TIAM1: variants seen among roughly 807,000 people sequenced by gnomAD.
TIAM1 encodes TIAM Rac1 associated GEF 1, also known as rho guanine nucleotide exchange factor TIAM1.
In TIAM1, 65 loss-of-function variants were observed where a neutral mutation model predicts 163.5. The observed-to-expected ratio is 0.40, with a 90% CI of 0.33 to 0.49. TIAM1 has a LOEUF of 0.49. TIAM1 is among the 20% of genes least tolerant of loss of function. The pLI is 0.77. For synonymous variants in TIAM1, 833 were observed against 810.1 expected (o/e 1.03, Z -0.48); for missense variants, 1,789 against 2,044.7 (o/e 0.87, Z 2.41).
chr21:31,286,016 T>A (rs2073795903), intron 2 of TIAM1, among the ~76,000 whole-genome samples: 1 of 152,218 alleles, frequency 6.6e-6, no homozygotes, highest in South Asian at 2.1e-4. Flanking sequence ...ATATCATTGA[T>A]CAGCAACTTA....
chr21:31,546,780 G>A lies in TIAM1; in HGVS notation c.-422+12147C>T, dbSNP rs929252393. Among the ~76,000 whole-genome samples the A allele has an allele frequency of 7.2e-5, 11 of 152,248 alleles. No individual in the cohort carries two copies. In the South Asian group the frequency reaches 1.0e-3, roughly 14 times the overall value. On this transcript the variant is annotated intron_variant, in intron 1 of 28. Transcript: ENST00000286827. ...ACTCTCCTCTGCTCCAGAATTCCAC[G>A]AAGTAACTTGTTGAAGCTTGAAAAA...
At chr21:31,190,377 A>G (rs2085498962) in intron 13 of TIAM1, among the ~76,000 whole-genome samples, 1 of 152,208 alleles carries the variant, frequency 6.6e-6, no homozygotes, top group Admixed American at 6.5e-5. Context: ...CCACCACTGC[A>G]TTCCAGCCTG....
chr21:31,221,681 G>C lies in TIAM1; in HGVS notation c.1995+1725C>G, dbSNP rs147365607. On this transcript the variant is annotated intron_variant, in intron 8 of 27. Transcript: ENST00000541036. The stretch of plus-strand genomic sequence containing the variant: ...TAGCAAGGTACAGTAAGAGGAGGAA[G>C]CCACTTCGATGCTCCGGGTTTGGTA... Among the ~76,000 whole-genome samples the C allele has an allele frequency of 3.8e-3, 584 of 152,348 alleles. 3 individuals are homozygous for C. Among genetic ancestry groups the C allele is most frequent in the African/African-American group, 0.013 (560 of 41,566 alleles).
chr21:31,329,643 A>G (rs149840604), intron 2 of TIAM1, among the ~76,000 whole-genome samples: 155 of 152,328 alleles, frequency 1.0e-3, no homozygotes, highest in African/African-American at 3.5e-3. Context: ...CAGGAACATG[A>G]AGTCAGTGCT....
In TIAM1 at chr21:31,411,298, T is replaced by C. The variant is rs151168582; in HGVS notation, c.-369+52685A>G. ...TTTAAATACAGGGGATGTCCTAGAT[T>C]TCACTGTCTGGATAAAGGTGACTAC... On this transcript the variant is annotated intron_variant, in intron 2 of 28. Coordinates refer to the TIAM1 transcript ENST00000286827. Among the ~76,000 whole-genome samples the C allele has an allele frequency of 2.6e-3, 392 of 152,292 alleles. 1 individual carries two copies. Among genetic ancestry groups the C allele is most frequent in the African/African-American group, 9.2e-3 (381 of 41,546 alleles).
At chr21:31,469,468 C>T (rs2045658343) in intron 1 of TIAM1, among the ~76,000 whole-genome samples, 2 of 151,972 alleles carry the variant, frequency 1.3e-5, no homozygotes, top group South Asian at 2.1e-4. Flanking sequence ...TGTGAGTGTG[C>T]GATATACTTT....
At chr21:31,558,482 A>C (rs558462173) in intron 1 of TIAM1, among the ~76,000 whole-genome samples, 1 of 152,212 alleles carries the variant, frequency 6.6e-6, no homozygotes, top group South Asian at 2.1e-4. Context: ...TCAGGGACCG[A>C]GACGCAAACA....
At chr21:31,479,891 G>A (rs2046058029) in intron 1 of TIAM1, among the ~76,000 whole-genome samples, 1 of 151,910 alleles carries the variant, frequency 6.6e-6, no homozygotes, top group Non-Finnish European at 1.5e-5. Flanking sequence ...CCCGGCGTCT[G>A]CCCTCCACCT....
At chr21:31,387,861 G>A (rs971864059) in intron 2 of TIAM1, among the ~76,000 whole-genome samples, 1 of 152,000 alleles carries the variant, frequency 6.6e-6, no homozygotes. Context: ...GAGTGAAGTC[G>A]CCTCCTCCCA....
At chr21:31,242,447 A>T (rs2071233012) in intron 6 of TIAM1, among the ~76,000 whole-genome samples, 1 of 152,150 alleles carries the variant, frequency 6.6e-6, no homozygotes, top group Admixed American at 6.5e-5. Context: ...TGCTCAGCCC[A>T]GGAGGCTGAG....
intron 6 of TIAM1, among the ~76,000 whole-genome samples, chr21:31,237,395 C>T (rs371186431): frequency 1.3e-4 from 20 of 152,320 alleles, no homozygotes; most frequent in Admixed American, 4.6e-4. Flanking sequence ...TTGAGCCTGA[C>T]GAAACTCAAG....
intron 2 of TIAM1, among the ~76,000 whole-genome samples, chr21:31,362,897 T>A (rs1268635673): frequency 6.6e-6 from 1 of 152,136 alleles, no homozygotes; most frequent in African/African-American, 2.4e-5. Flanking sequence ...GAACAGGACA[T>A]CGAGTTCTCT....
chr21:31,479,072 AG>A (rs1396768647), intron 1 of TIAM1, among the ~76,000 whole-genome samples: 4 of 152,212 alleles, frequency 2.6e-5, no homozygotes, highest in African/African-American at 9.7e-5. Flanking sequence ...GCAACTATTG[AG>A]ACAAGGAACA....
chr21:31,292,739 G>A (rs1163869587), intron 2 of TIAM1, among the ~76,000 whole-genome samples: 1 of 149,988 alleles, frequency 6.7e-6, no homozygotes, highest in African/African-American at 2.5e-5. Flanking sequence ...GGTGATCTCA[G>A]CTCACTGCAA....
intron 2 of TIAM1, among the ~76,000 whole-genome samples, chr21:31,380,375 C>T (rs1030551267): frequency 6.6e-6 from 1 of 152,136 alleles, no homozygotes; most frequent in African/African-American, 2.4e-5. Flanking sequence ...GAAACCCTGT[C>T]TCTACTAAAA....
chr21:31,293,681 G>C (rs1317488683), intron 2 of TIAM1, among the ~76,000 whole-genome samples: 1 of 152,246 alleles, frequency 6.6e-6, no homozygotes, highest in Non-Finnish European at 1.5e-5. Context: ...GGTAGCCACA[G>C]TCTCCGGGGC....
rs182524561 is a variant in TIAM1, at chr21:31,429,644, G to A, written c.-369+34339C>T. ...TGTGAAGGCAGGAGGGGAGAAGCAG[G>A]TCAAGCAGAGTTAGGCGTGGGCGCA... On this transcript the variant is annotated intron_variant, in intron 2 of 28. Coordinates refer to the TIAM1 transcript ENST00000286827. 5.3e-5 allele frequency among the ~76,000 whole-genome samples: 8 copies of A among 152,200 alleles called. No individual in the cohort carries two copies. In the East Asian group the frequency reaches 1.4e-3, roughly 26 times the overall value.
intron 2 of TIAM1, among the ~76,000 whole-genome samples, chr21:31,365,029 T>C (rs1327724750): frequency 6.6e-6 from 1 of 152,242 alleles, no homozygotes; most frequent in Non-Finnish European, 1.5e-5. Flanking sequence ...TTTCATGATT[T>C]TTACATGACA....
At chr21:31,498,020 T>C (rs1290254507) in intron 1 of TIAM1, among the ~76,000 whole-genome samples, 1 of 152,218 alleles carries the variant, frequency 6.6e-6, no homozygotes, top group Non-Finnish European at 1.5e-5. Context: ...TGTGACACAC[T>C]GCACATCTGT....
Sources: gnomAD v4.1 joint callset for allele counts (sites outside exome capture counted in the v4.1 genomes callset) on GRCh38, gnomAD v4.1.1 for gene constraint, MANE v1.5 for transcripts, NCBI Gene and HGNC (gene_info 2026-07-23, HGNC 2026-07-21) for gene names.